The following MAGI2 variants were observed in gnomAD, a reference collection of about 807,000 sequenced individuals.
MAGI2 encodes membrane-associated guanylate kinase, WW and PDZ domain-containing protein 2.
A neutral mutation model predicts 133.3 loss-of-function variants in MAGI2; 35 were observed. The observed-to-expected ratio is 0.26, with a 90% CI of 0.20 to 0.35. The LOEUF (loss-of-function observed/expected upper bound fraction) is 0.35, where lower values mean the gene tolerates loss of function less well. Among genes scored for constraint, MAGI2 ranks in the 10% least tolerant of loss-of-function variants. MAGI2 has a pLI of 1.00. For missense variants in MAGI2, 1,636 were observed against 1,863.4 expected (o/e 0.88, Z 2.25); for synonymous variants, 729 against 710.6 (o/e 1.03, Z -0.41).
intron 9 of MAGI2, among the ~76,000 whole-genome samples, chr7:78,326,500 C>T (rs761485651): frequency 7.2e-5 from 11 of 152,266 alleles, no homozygotes; most frequent in East Asian, 1.9e-4. Context: ...TATTACACAT[C>T]CACAGATCCC....
intron 2 of MAGI2, among the ~76,000 whole-genome samples, chr7:78,917,416 G>T (rs1182523061): frequency 6.6e-6 from 1 of 152,054 alleles, no homozygotes; most frequent in African/African-American, 2.4e-5. Context: ...GAGCAAGTAG[G>T]AGTGGGCCAA....
chr7:78,117,181 T>C (rs1819952052), intron 20 of MAGI2, among the ~76,000 whole-genome samples: 1 of 151,974 alleles, frequency 6.6e-6, no homozygotes, highest in East Asian at 1.9e-4. Flanking sequence ...CTATTTCTCA[T>C]TTTATAAGGT....
chr7:78,506,888 CA>C (rs1306908771), intron 4 of MAGI2, among the ~76,000 whole-genome samples: 2 of 152,130 alleles, frequency 1.3e-5, no homozygotes, highest in African/African-American at 4.8e-5. Context: ...TGTATAATAC[CA>C]TTAAATTCTC....
intron 16 of MAGI2, among the ~76,000 whole-genome samples, chr7:78,157,110 G>A (rs1489770498): frequency 6.6e-6 from 1 of 152,202 alleles, no homozygotes; most frequent in Non-Finnish European, 1.5e-5. Flanking sequence ...CAGATGTTAA[G>A]TATGAGGTAG....
At chr7:78,355,167 G>A (rs564531641) in intron 7 of MAGI2, among the ~76,000 whole-genome samples, 1 of 152,270 alleles carries the variant, frequency 6.6e-6, no homozygotes, top group East Asian at 1.9e-4. Context: ...AATGGGGGAT[G>A]TATTTTCAAA....
At chr7:78,540,837 G>C (rs1798355490) in intron 3 of MAGI2, among the ~76,000 whole-genome samples, 1 of 152,116 alleles carries the variant, frequency 6.6e-6, no homozygotes, top group African/African-American at 2.4e-5. Flanking sequence ...TCAACTCTAA[G>C]TAAGGTTACA....
chr7:78,289,994 C>A (rs1796535364), intron 9 of MAGI2, among the ~76,000 whole-genome samples: 1 of 152,060 alleles, frequency 6.6e-6, no homozygotes, highest in Non-Finnish European at 1.5e-5. Context: ...CCAGCCACTG[C>A]AAAAAGATGG....
At chr7:78,102,129 C>T (rs1818262621) in intron 20 of MAGI2, among the ~76,000 whole-genome samples, 1 of 151,946 alleles carries the variant, frequency 6.6e-6, no homozygotes, top group African/African-American at 2.4e-5. Context: ...TGCATGATAT[C>T]ACTTATATGT....
At chr7:78,270,271 A>C (rs1562720728) in intron 9 of MAGI2, among the ~76,000 whole-genome samples, 1 of 152,080 alleles carries the variant, frequency 6.6e-6, no homozygotes, top group Non-Finnish European at 1.5e-5. Flanking sequence ...TTCTGTATGA[A>C]ATTTGAAGTA....
chr7:78,460,273 C>T (rs1789826161), intron 6 of MAGI2, among the ~76,000 whole-genome samples: 1 of 152,208 alleles, frequency 6.6e-6, no homozygotes, highest in Non-Finnish European at 1.5e-5. Context: ...AGTGAGGTAA[C>T]TTACGCAGGT....
chr7:78,737,420 T>C (rs1229327792), intron 2 of MAGI2, among the ~76,000 whole-genome samples: 3 of 152,206 alleles, frequency 2.0e-5, no homozygotes, highest in African/African-American at 7.2e-5. Flanking sequence ...TTGATATGGT[T>C]TTCGATTCTA....
chr7:79,351,748 C>G (rs1202704149), intron 1 of MAGI2: 1 of 152,178 alleles, frequency 6.6e-6, no homozygotes, highest in African/African-American at 2.4e-5. Context: ...ATGGATCAGT[C>G]TGTGCTGTGC....
chr7:78,766,595 A>T (rs1825051173), intron 2 of MAGI2, among the ~76,000 whole-genome samples: 1 of 152,164 alleles, frequency 6.6e-6, no homozygotes, highest in African/African-American at 2.4e-5. Flanking sequence ...GTTTCCTTAA[A>T]CACTCTGAAG....
chr7:78,203,144 T>A (rs1218110338), intron 10 of MAGI2, among the ~76,000 whole-genome samples: 2 of 152,218 alleles, frequency 1.3e-5, no homozygotes, highest in East Asian at 3.9e-4. Context: ...ATTTTCACCA[T>A]GTCAAAATAT....
intron 6 of MAGI2, among the ~76,000 whole-genome samples, chr7:78,458,690 AG>A (rs1452251442): frequency 1.3e-5 from 2 of 150,026 alleles, no homozygotes; most frequent in African/African-American, 4.9e-5. Context: ...GCTGGAGTGC[AG>A]TGGCACGATC....
intron 1 of MAGI2, among the ~76,000 whole-genome samples, chr7:79,186,763 A>ATT (rs1216613254): frequency 2.1e-4 from 23 of 111,518 alleles, no homozygotes; most frequent in African/African-American, 6.0e-4. Context: ...ATATATATAT[A>ATT]TATATATATA....
chr7:79,003,801 G>T (rs1484322906), intron 2 of MAGI2, among the ~76,000 whole-genome samples: 1 of 152,136 alleles, frequency 6.6e-6, no homozygotes, highest in Non-Finnish European at 1.5e-5. Flanking sequence ...GACATGAACA[G>T]ACATTTCTCA....
intron 6 of MAGI2, among the ~76,000 whole-genome samples, chr7:78,422,845 T>A (rs967478383): frequency 6.6e-6 from 1 of 152,202 alleles, no homozygotes; most frequent in Non-Finnish European, 1.5e-5. Flanking sequence ...CTGATAGTAT[T>A]GTTCCAGCTG....
intron 2 of MAGI2, among the ~76,000 whole-genome samples, chr7:78,746,442 A>G (rs1188466566): frequency 1.3e-5 from 2 of 152,170 alleles, no homozygotes; most frequent in African/African-American, 2.4e-5. Flanking sequence ...CTGCTCAGTT[A>G]CAGGAGCTTA....
Sources: gnomAD v4.1 joint callset for allele counts (sites outside exome capture counted in the v4.1 genomes callset) on GRCh38, gnomAD v4.1.1 for gene constraint, MANE v1.5 for transcripts, NCBI Gene and HGNC (gene_info 2026-07-23, HGNC 2026-07-21) for gene names.